The following ADSL variants were observed in gnomAD, a reference collection of about 807,000 sequenced individuals.
ADSL encodes the protein adenylosuccinate lyase.
A neutral mutation model predicts 62.1 loss-of-function variants in ADSL; 44 were observed. The observed-to-expected ratio is 0.71, with a 90% CI of 0.56 to 0.91. The LOEUF is 0.91. Ranked by LOEUF, ADSL falls within the 40% of genes least tolerant of loss-of-function variation. The probability of loss-of-function intolerance (pLI) is 0.00; values close to 1 mark genes in which losing one functional copy is unlikely to be tolerated. For synonymous variants in ADSL, 198 were observed against 220.5 expected, an observed-to-expected ratio of 0.90 and a Z score of 0.90; for missense variants, 531 against 627.4, an observed-to-expected ratio of 0.85 and a Z score of 1.64.
rs184228016 is a variant in ADSL, at chr22:40,386,077, G to T, written c.90-4153G>T. 2.5e-3 allele frequency among the ~76,000 whole-genome samples: 368 copies of T among 149,282 alleles called. 1 individual carries two copies. The highest frequency in any genetic ancestry group is 2.5e-3 in the Non-Finnish European group (171 of 67,276). On this transcript the variant is annotated intron_variant, in intron 2 of 2. Transcript: ENST00000498234. ...CTATTTTTAGTAGAGACAGGGTTTT[G>T]CCATGTTGCCCAGGCTGGTCTTGAA...
chr22:40,369,523 A>G (rs1303269839), downstream of ADSL, among the ~76,000 whole-genome samples: 1 of 147,280 alleles, frequency 6.8e-6, no homozygotes, highest in Non-Finnish European at 1.5e-5. Flanking sequence ...ATATATATAT[A>G]GACAAGATCT....
At chr22:40,372,731 G>C (rs749801221), downstream of ADSL, 1 of 152,302 alleles carries the variant, frequency 6.6e-6, no homozygotes, top group East Asian at 1.9e-4. Flanking sequence ...TGCCTGGAGT[G>C]GATGTAGGAA....
intron 2 of ADSL, among the ~76,000 whole-genome samples, chr22:40,381,116 C>A (rs1172755569): frequency 6.6e-6 from 1 of 151,932 alleles, no homozygotes; most frequent in African/African-American, 2.4e-5. Flanking sequence ...CTATATAAGC[C>A]ATCAGAAAAG....
rs1310605926 is a variant in ADSL at position 40,349,707 on chromosome 22, T to C, written c.154-125T>C. The C allele has an allele frequency of 7.7e-6, 7 of 908,816 alleles. No individual in the cohort carries two copies. The Admixed American group carries it at 1.4e-4, about 18-fold the overall frequency. The allele number at this position is 908,816 out of a possible 1,614,324, so 56.3% of individuals were successfully genotyped here. ...TACTTTCAACTTGGTTGCCTCAAAT[T>C]TTAATTTAAGGGTTGGGAGATAGGG... On this transcript the variant is annotated intron_variant, in intron 1 of 12. Transcript: ENST00000623063.
chr22:40,362,308 T>C (rs2044823171), intron 9 of ADSL, among the ~76,000 whole-genome samples: 1 of 152,226 alleles, frequency 6.6e-6, no homozygotes, highest in Admixed American at 6.5e-5. Context: ...CCTAGCTTTC[T>C]GGGATCTGTG....
intron 4 of ADSL, among the ~76,000 whole-genome samples, chr22:40,356,497 T>C (rs1340733088): frequency 6.9e-6 from 1 of 145,602 alleles, no homozygotes; most frequent in Admixed American, 7.0e-5. Flanking sequence ...ATCGCGCCGC[T>C]GCACTCCAGC....
rs912325850 is a variant in ADSL at position 40,360,337 on chromosome 22, A to C, written c.702-65A>C. 4 of 1,371,098 alleles carry C rather than the reference A, an allele frequency of 2.9e-6. No homozygotes were observed. The African/African-American group carries it at 5.7e-5, about 20-fold the overall frequency. 84.9% of individuals were successfully genotyped at this position (1,371,098 alleles called of 1,614,324 possible). ...TAGCCTCCTAAGTAGCTGGGACTAC[A>C]GTCATGCACCACTGCAATGGCTTTA... On this transcript the variant is annotated intron_variant, in intron 6 of 12. Transcript: ENST00000623063.
chr22:40,380,738 C>T (rs150332646), intron 2 of ADSL, among the ~76,000 whole-genome samples: 1 of 152,086 alleles, frequency 6.6e-6, no homozygotes, highest in Non-Finnish European at 1.5e-5. Flanking sequence ...GAATTTAAGA[C>T]CAGCCTGGGC....
intron 12 of ADSL, among the ~76,000 whole-genome samples, chr22:40,366,057 G>C (rs1210049427): frequency 6.6e-6 from 1 of 152,088 alleles, no homozygotes; most frequent in Middle Eastern, 3.4e-3. Flanking sequence ...GATGATGAGA[G>C]CTTGAGTGAA....
intron 2 of ADSL, among the ~76,000 whole-genome samples, chr22:40,375,580 CAAAA>C (rs5845459): frequency 9.9e-6 from 1 of 101,408 alleles, no homozygotes; most frequent in Non-Finnish European, 2.1e-5. Flanking sequence ...AACTCTGTCT[CAAAA>C]AAAAAAAAAG....
Position 40,358,962 on chromosome 22 carries a change from G to A in ADSL, c.581G>A (p.Arg194His), listed in dbSNP as rs755359802. 1.2e-6 allele frequency: 2 copies of A among 1,614,184 alleles called. No individual in the cohort carries two copies. The highest frequency in any genetic ancestry group is 1.7e-6 in the Non-Finnish European group (2 of 1,180,032). ...QNLKRVRDDL[R>H]FRGVKGTTGT... ...TTGAAGCGTGTCCGAGATGACCTGC[G>A]CTTCCGGGGAGTAAAGGGTACCACT... Residue 194 changes from arginine (R) to histidine (H), a missense_variant, in exon 5 of 13, where the codon CGC (arginine) becomes CAC (histidine). Physicochemically the swap from Arg to His is conservative, Grantham distance 29 (BLOSUM62 0). Around this residue, in one of 2 missense-constraint regions of ADSL, gnomAD observed 471 missense variants for 592.9 expected, o/e 0.79. Coordinates refer to ENST00000623063, the MANE Select transcript of ADSL (RefSeq NM_000026.4).
chr22:40,372,434 C>T (rs1028444378), downstream of ADSL, among the ~76,000 whole-genome samples: 14 of 152,196 alleles, frequency 9.2e-5, no homozygotes, highest in African/African-American at 2.6e-4. Flanking sequence ...CCTCCCTGTC[C>T]CTTTTTAAGC....
chr22:40,351,132 C>G (rs1053165875), intron 2 of ADSL, among the ~76,000 whole-genome samples: 10 of 151,832 alleles, frequency 6.6e-5, no homozygotes, highest in Admixed American at 6.6e-4. Flanking sequence ...GTAGCTGGGA[C>G]CACAGGCATG....
At chr22:40,349,651 C>A (rs186437325) in intron 1 of ADSL, among the ~76,000 whole-genome samples, 181 bp from the exon 2 acceptor site, 1 of 152,060 alleles carries the variant, frequency 6.6e-6, no homozygotes, top group Non-Finnish European at 1.5e-5. Context: ...TCTCTCCCAC[C>A]CCACCTCGAC....
At chr22:40,358,374 T>C (rs1303619742) in intron 4 of ADSL, among the ~76,000 whole-genome samples, 1 of 151,986 alleles carries the variant, frequency 6.6e-6, no homozygotes, top group African/African-American at 2.4e-5. Flanking sequence ...GCTTGAGACA[T>C]AGAGTTTGAG....
intron 1 of ADSL, 45 bp downstream of exon 1, chr22:40,346,756 C>A (rs1245505346): frequency 3.9e-6 from 6 of 1,550,056 alleles, no homozygotes; most frequent in African/African-American, 1.4e-5. Context: ...GGGACGGGCC[C>A]GCCCCAGCAC....
intron 2 of ADSL, among the ~76,000 whole-genome samples, chr22:40,383,209 T>C (rs2146819239): frequency 6.6e-6 from 1 of 152,206 alleles, no homozygotes; most frequent in East Asian, 1.9e-4. Context: ...GGCTCACACC[T>C]GTAATCCCAG....
In ADSL at chr22:40,367,513, T is replaced by G. The variant is rs2045041118; in HGVS notation, c.*991T>G. On this transcript the variant is annotated 3_prime_UTR_variant, in exon 13 of 13. Coordinates refer to ENST00000623063, the MANE Select transcript of ADSL (RefSeq NM_000026.4). ...ACAAGAACGTTGTCTGTGTCATTCC[T>G]TGTTGTATTTCCAATAGCAAGAGCA... 1 of 167,820 alleles carries G rather than the reference T, an allele frequency of 6.0e-6. No individual in the cohort carries two copies. The highest frequency in any genetic ancestry group is 1.5e-5 in the Non-Finnish European group (1 of 68,284). The allele number at this position is 167,820 out of a possible 1,614,324, so 10.4% of individuals were successfully genotyped here. A position where few individuals can be genotyped will look rare whatever the true frequency, so the allele number is the denominator to read the frequency against.
At chr22:40,371,202 A>T (rs964632012), downstream of ADSL, among the ~76,000 whole-genome samples, 1 of 152,248 alleles carries the variant, frequency 6.6e-6, no homozygotes, top group Non-Finnish European at 1.5e-5. Flanking sequence ...GCACGGGGGA[A>T]ACTGAGGCAT....
Sources: gnomAD v4.1 joint callset for allele counts (sites outside exome capture counted in the v4.1 genomes callset) on GRCh38, gnomAD v4.1.1 for gene constraint, gnomAD v4.1.1 regional missense constraint, MANE v1.5 for transcripts, NCBI Gene and HGNC (gene_info 2026-07-23, HGNC 2026-07-21) for gene names.